ATF6: variants seen among roughly 807,000 people sequenced by gnomAD.
ATF6 encodes the protein cyclic AMP-dependent transcription factor ATF-6 alpha.
Under a neutral mutation model 83.6 loss-of-function variants are expected in ATF6, and 53 were observed. The observed-to-expected ratio is 0.63, with a 90% CI of 0.51 to 0.80. ATF6 has a LOEUF of 0.80. ATF6 is among the 30% of genes least tolerant of loss of function. The probability of loss-of-function intolerance (pLI) is 0.00; values close to 1 mark genes in which losing one functional copy is unlikely to be tolerated. For missense variants in ATF6, 744 were observed against 797.9 expected, an observed-to-expected ratio of 0.93 and a Z score of 0.81; for synonymous variants, 288 against 285.8, an observed-to-expected ratio of 1.01 and a Z score of -0.08.
chr1:161,766,885 C>T (rs1191969012), intron 1 of ATF6, among the ~76,000 whole-genome samples: 1 of 152,214 alleles, frequency 6.6e-6, no homozygotes, highest in East Asian at 1.9e-4. Flanking sequence ...TCTAATCTTA[C>T]AGCTTTTACT....
chr1:161,885,664 G>A (rs1380117439), intron 14 of ATF6, among the ~76,000 whole-genome samples: 2 of 151,798 alleles, frequency 1.3e-5, no homozygotes, highest in Admixed American at 6.6e-5. Context: ...TTTGCTAGTC[G>A]GCTTCTGTCT....
chr1:161,880,952 T>C (rs146432441), intron 14 of ATF6, among the ~76,000 whole-genome samples: 32 of 152,264 alleles, frequency 2.1e-4, no homozygotes, highest in African/African-American at 7.2e-4. Context: ...AATAGAGGTA[T>C]GTAGTGGTAT....
chr1:161,947,307 T>C (rs1315689257), intron 15 of ATF6, among the ~76,000 whole-genome samples: 1 of 152,106 alleles, frequency 6.6e-6, no homozygotes, highest in Admixed American at 6.6e-5. Flanking sequence ...GTAAGGGAGA[T>C]TCTTGCTAGA....
intron 15 of ATF6, among the ~76,000 whole-genome samples, chr1:161,945,327 T>C (rs1009539784): frequency 1.3e-5 from 2 of 152,232 alleles, no homozygotes; most frequent in African/African-American, 4.8e-5. Flanking sequence ...CTTATTCCAT[T>C]CCCATTTGCT....
At chr1:161,857,207 G>T (rs12038469) in intron 12 of ATF6, among the ~76,000 whole-genome samples, 1 of 151,436 alleles carries the variant, frequency 6.6e-6, no homozygotes, top group Non-Finnish European at 1.5e-5. Context: ...TTTTTCTTCC[G>T]GTTACCTCTT....
At chr1:161,922,769 T>C (rs1012098518) in intron 15 of ATF6, among the ~76,000 whole-genome samples, 1 of 151,834 alleles carries the variant, frequency 6.6e-6, no homozygotes, top group Non-Finnish European at 1.5e-5. Flanking sequence ...AGAAGACCAG[T>C]AAGGCTAGAG....
Position 161,900,822 on chromosome 1 carries a change from T to C in ATF6, c.1720-11474T>C, listed in dbSNP as rs566884927. Reference sequence around the variant, plus strand: ...CAGTTACACAAGAACATTTAAAAGTTTTACATTTGAAATAGATAATTAAGC... The same window carrying C: ...CAGTTACACAAGAACATTTAAAAGTCTTACATTTGAAATAGATAATTAAGC... On this transcript the variant is annotated intron_variant, in intron 14 of 15. Coordinates refer to ENST00000367942, the MANE Select transcript of ATF6 (RefSeq NM_007348.4). Among the ~76,000 whole-genome samples the C allele has an allele frequency of 2.0e-5, 3 of 152,242 alleles. No homozygotes were observed. In the South Asian group the frequency reaches 6.2e-4, roughly 32 times the overall value.
At chr1:161,940,725 A>AT (rs1206343957) in intron 15 of ATF6, among the ~76,000 whole-genome samples, 1 of 151,428 alleles carries the variant, frequency 6.6e-6, no homozygotes, top group Non-Finnish European at 1.5e-5. Context: ...CACCCAGCTA[A>AT]TTTTTTTTGT....
intron 4 of ATF6, among the ~76,000 whole-genome samples, chr1:161,788,716 A>G (rs980034980): frequency 6.6e-6 from 1 of 152,056 alleles, no homozygotes; most frequent in Admixed American, 6.6e-5. Flanking sequence ...CCACTTTAAT[A>G]TGTGGTATTA....
chr1:161,927,731 A>G (rs1271370085), intron 15 of ATF6, among the ~76,000 whole-genome samples: 1 of 152,222 alleles, frequency 6.6e-6, no homozygotes, highest in South Asian at 2.1e-4. Flanking sequence ...TGAGATCTTT[A>G]TATTAATTTT....
chr1:161,923,582 A>G (rs567007999), intron 15 of ATF6, among the ~76,000 whole-genome samples: 9 of 152,338 alleles, frequency 5.9e-5, no homozygotes, highest in East Asian at 1.9e-4. Context: ...TATACTTGGA[A>G]TGTTATTACT....
Position 161,928,145 on chromosome 1 carries a change from T to G in ATF6, c.1804+15765T>G, listed in dbSNP as rs569463076. Among the ~76,000 whole-genome samples, 12 of 152,294 alleles carry G rather than the reference T, an allele frequency of 7.9e-5. No homozygotes were observed. In the East Asian group the frequency reaches 2.3e-3, roughly 29 times the overall value. On this transcript the variant is annotated intron_variant, in intron 15 of 15. Coordinates refer to ENST00000367942, the MANE Select transcript of ATF6 (RefSeq NM_007348.4). ...TTTTACAGCTGAGATAACTGAGAAATTAAGAGAACCACAACTGAACTTTCT... is the reference window on the plus strand; with the variant it reads ...TTTTACAGCTGAGATAACTGAGAAAGTAAGAGAACCACAACTGAACTTTCT...
At chr1:161,823,094 A>G (rs1399884676) in intron 9 of ATF6, among the ~76,000 whole-genome samples, 3 of 152,126 alleles carry the variant, frequency 2.0e-5, no homozygotes, top group Admixed American at 1.3e-4. Context: ...CTTAAAAGTT[A>G]CCAAGGATCC....
At chr1:161,767,903 T>C (rs1447265598) in intron 1 of ATF6, among the ~76,000 whole-genome samples, 2 of 152,168 alleles carry the variant, frequency 1.3e-5, no homozygotes. Flanking sequence ...TTGCCCAGGC[T>C]AGAGTGTAAT....
At chr1:161,823,752 G>T (rs1193047471) in intron 9 of ATF6, among the ~76,000 whole-genome samples, 2 of 152,122 alleles carry the variant, frequency 1.3e-5, no homozygotes, top group Admixed American at 1.3e-4. Flanking sequence ...AGAAAATTTA[G>T]ACTCACATCG....
chr1:161,892,670 T>A (rs1400253357), intron 14 of ATF6, among the ~76,000 whole-genome samples: 1 of 146,420 alleles, frequency 6.8e-6, no homozygotes, highest in East Asian at 2.1e-4. Flanking sequence ...CGCTCTGTCA[T>A]CCAGGCTGGA....
intron 1 of ATF6, among the ~76,000 whole-genome samples, chr1:161,776,531 A>G (rs1684518253): frequency 6.6e-6 from 1 of 152,166 alleles, no homozygotes; most frequent in African/African-American, 2.4e-5. Context: ...TTACAGATAT[A>G]TATTTTGAGA....
intron 14 of ATF6, among the ~76,000 whole-genome samples, chr1:161,903,595 G>C (rs1353882212): frequency 1.3e-5 from 2 of 151,660 alleles, no homozygotes; most frequent in East Asian, 3.9e-4. Flanking sequence ...CAAACTTTTT[G>C]GTCCCTTTTT....
chr1:161,842,100 C>G (rs1442337476), intron 9 of ATF6, among the ~76,000 whole-genome samples: 1 of 152,090 alleles, frequency 6.6e-6, no homozygotes, highest in Non-Finnish European at 1.5e-5. Context: ...TACAAATAGC[C>G]ACTTTGTACT....
Sources: allele counts gnomAD v4.1 joint callset (sites outside exome capture counted in the v4.1 genomes callset), GRCh38; gene constraint gnomAD v4.1.1; transcripts MANE v1.5; gene names NCBI Gene and HGNC (gene_info 2026-07-23, HGNC 2026-07-21).